Variants in PHACTR2 observed in about 807,000 individuals in gnomAD.
The protein encoded by PHACTR2 is phosphatase and actin regulator 2, also known as chromosome 6 open reading frame 56.
A neutral mutation model predicts 76.0 loss-of-function variants in PHACTR2; 30 were observed. The ratio of observed to expected loss-of-function variants is 0.39; its 90% CI spans 0.30 to 0.54. The LOEUF is 0.54. Ranked by LOEUF, PHACTR2 falls within the 20% of genes least tolerant of loss-of-function variation. The probability of loss-of-function intolerance (pLI) is 0.61; values close to 1 mark genes in which losing one functional copy is unlikely to be tolerated. For missense variants in PHACTR2, 696 were observed against 781.1 expected (o/e 0.89, Z 1.30); for synonymous variants, 292 against 292.5 (o/e 1.00, Z 0.02).
chr6:143,550,434 T>C lies in PHACTR2; in HGVS notation c.217+13227T>C, dbSNP rs1462753635. On this transcript the variant is annotated intron_variant, in intron 1 of 11. Transcript: ENST00000367584. This position sits in a 1 kb window ranked among gnomAD's most constrained non-coding sequence, Gnocchi z 4.8. ...TGGAAACTTCCATGCTACTTAAAAG[T>C]CTACTCTTGCTTTCCTGTTTGGCAA... Among the ~76,000 whole-genome samples, 5 of 152,026 alleles carry C rather than the reference T, an allele frequency of 3.3e-5. No homozygotes were observed. The highest frequency in any genetic ancestry group is 1.2e-4 in the African/African-American group (5 of 41,430).
Position 143,795,112 on chromosome 6 carries a change from C to G in PHACTR2, c.1845+6202C>G, listed in dbSNP as rs1049784582. ...GTGAACTTGATTGAGCTTTATTCAC[C>G]TTTAAAATAAAATTTTCAGGTCGGG... is the stretch of plus-strand genomic sequence containing the variant. On this transcript the variant is annotated intron_variant, in intron 11 of 12. Transcript: ENST00000440869. This position sits in a 1 kb window ranked among gnomAD's most constrained non-coding sequence, Gnocchi z 4.8. Among the ~76,000 whole-genome samples, 1 of 152,066 alleles carries G rather than the reference C, an allele frequency of 6.6e-6. No homozygotes were observed. Among genetic ancestry groups the G allele is most frequent in the African/African-American group, 2.4e-5 (1 of 41,422 alleles).
chr6:143,822,880 T>C lies in PHACTR2; in HGVS notation c.1923-794T>C, dbSNP rs1042866003. ...CGGGCTACAAAAATGCAAGGAATGT[T>C]CAGGAACTCACAAGGAGGGAAAGGA... is the stretch of plus-strand genomic sequence containing the variant. On this transcript the variant is annotated intron_variant, in intron 12 of 12. Coordinates refer to ENST00000440869, the MANE Select transcript of PHACTR2 (RefSeq NM_001100164.2). This position sits in a 1 kb window ranked among gnomAD's most constrained non-coding sequence, Gnocchi z 5.5. 3.3e-5 allele frequency among the ~76,000 whole-genome samples: 5 copies of C among 152,152 alleles called. No individual in the cohort carries two copies. The highest frequency in any genetic ancestry group is 4.4e-5 in the Non-Finnish European group (3 of 68,028).
In PHACTR2 at chr6:143,783,174, C is replaced by A. The variant is rs1020606409; in HGVS notation, c.1646-45C>A. The A allele has an allele frequency of 6.7e-6, 8 of 1,186,502 alleles. No individual in the cohort carries two copies. Among genetic ancestry groups the A allele is most frequent in the Non-Finnish European group, 8.8e-6 (7 of 797,526 alleles). 73.5% of individuals were successfully genotyped at this position (1,186,502 alleles called of 1,614,324 possible). A position where few individuals can be genotyped will look rare whatever the true frequency, so the allele number is the denominator to read the frequency against. On this transcript the variant is annotated intron_variant, in intron 9 of 12. Coordinates refer to ENST00000440869, the MANE Select transcript of PHACTR2 (RefSeq NM_001100164.2). The surrounding 1 kb of genome is among the most constrained non-coding windows in gnomAD (Gnocchi z 5.2). The stretch of plus-strand genomic sequence containing the variant: ...TGATACACTTTTCTGAATATGAAAT[C>A]ATCTATAGTAACTGTCATCACGACT...
chr6:143,592,973 C>T lies in PHACTR2; in HGVS notation c.217+55766C>T, dbSNP rs1252894583. Among the ~76,000 whole-genome samples the T allele has an allele frequency of 7.0e-6, 1 of 142,796 alleles. No homozygotes were observed. The highest frequency in any genetic ancestry group is 2.6e-5 in the African/African-American group (1 of 38,032). The allele number at this position is 142,796 out of a possible 152,430, so 93.7% of individuals were successfully genotyped here. ...GGAGGATCGCTTGAGCCTGGGAAGT[C>T]GATACTATTGTAAGCTGAGATCATG... is the stretch of plus-strand genomic sequence containing the variant. On this transcript the variant is annotated intron_variant, in intron 1 of 11. Transcript: ENST00000367584. This position sits in a 1 kb window ranked among gnomAD's most constrained non-coding sequence, Gnocchi z 4.0.
chr6:143,733,411 A>G lies in PHACTR2; in HGVS notation c.215-15574A>G, dbSNP rs931073971. 4.6e-5 allele frequency among the ~76,000 whole-genome samples: 7 copies of G among 152,240 alleles called. No homozygotes were observed. The South Asian group carries it at 6.2e-4, about 13-fold the overall frequency. On this transcript the variant is annotated intron_variant, in intron 2 of 12. Transcript: ENST00000440869. This position sits in a 1 kb window ranked among gnomAD's most constrained non-coding sequence, Gnocchi z 4.0. ...TATGTTAAACATTCAGTAAATGTAT[A>G]TTGAATGAACGAATGAATGAATGAA... is the stretch of plus-strand genomic sequence containing the variant.
intron 1 of PHACTR2, among the ~76,000 whole-genome samples, chr6:143,635,636 A>G (rs1011305433): frequency 2.0e-5 from 3 of 152,084 alleles, no homozygotes; most frequent in Admixed American, 1.3e-4. Context: ...ATTTCTAATT[A>G]TTGTTTTAAT....
chr6:143,626,841 AAGG>A (rs1278773827), intron 1 of PHACTR2, among the ~76,000 whole-genome samples: 1 of 152,204 alleles, frequency 6.6e-6, no homozygotes, highest in Non-Finnish European at 1.5e-5. Flanking sequence ...TTAAACAACC[AAGG>A]AGATTTTCTT....
intron 2 of PHACTR2, among the ~76,000 whole-genome samples, chr6:143,729,395 C>G (rs1778652491): frequency 6.6e-6 from 1 of 152,010 alleles, no homozygotes; most frequent in South Asian, 2.1e-4. Flanking sequence ...TGCTTTTGGT[C>G]TCCTGTCATG....
chr6:143,590,921 A>G (rs1002985826), intron 1 of PHACTR2, among the ~76,000 whole-genome samples: 1 of 152,158 alleles, frequency 6.6e-6, no homozygotes, highest in Admixed American at 6.5e-5. Context: ...GCGTGTCACT[A>G]GATGGACTGG....
At chr6:143,773,926 A>T in intron 7 of PHACTR2, 133 bp from the exon 8 acceptor site, 2 of 588,690 alleles carry the variant, frequency 3.4e-6, no homozygotes, top group Middle Eastern at 3.1e-4. Flanking sequence ...TCCTTAGGTT[A>T]ATTAAGATTC....
At chr6:143,626,086 AG>A (rs1032186830) in intron 1 of PHACTR2, among the ~76,000 whole-genome samples, 2 of 152,150 alleles carry the variant, frequency 1.3e-5, no homozygotes, top group Non-Finnish European at 2.9e-5. Flanking sequence ...AATGCTTTTA[AG>A]TTTTGTGCTG....
At chr6:143,781,433 T>C (rs960147190) in intron 9 of PHACTR2, among the ~76,000 whole-genome samples, 1 of 152,224 alleles carries the variant, frequency 6.6e-6, no homozygotes, top group Non-Finnish European at 1.5e-5. Context: ...TATATCCAAT[T>C]TTTTAATCTT....
Position 143,782,225 on chromosome 6 carries a change from C to CA in PHACTR2, c.1646-988dup, listed in dbSNP as rs1186568364. ...TGGGTGACAGAGCGAGAATCCGTTT[C>CA]AAAAAATAAAATAAAAATAAAAATA... is the stretch of plus-strand genomic sequence containing the variant. On this transcript the variant is annotated intron_variant, in intron 9 of 12. Coordinates refer to ENST00000440869, the MANE Select transcript of PHACTR2 (RefSeq NM_001100164.2). This position sits in a 1 kb window ranked among gnomAD's most constrained non-coding sequence, Gnocchi z 4.6. Among the ~76,000 whole-genome samples the CA allele has an allele frequency of 6.6e-6, 1 of 151,838 alleles. No homozygotes were observed. Among genetic ancestry groups the CA allele is most frequent in the Non-Finnish European group, 1.5e-5 (1 of 67,958 alleles).
At chr6:143,808,127 A>ATTT (rs35192258) in intron 12 of PHACTR2, among the ~76,000 whole-genome samples, 5 of 130,398 alleles carry the variant, frequency 3.8e-5, no homozygotes, top group Non-Finnish European at 4.9e-5. Flanking sequence ...ACAATCCAAA[A>ATTT]TTTTTTTTTT....
chr6:143,771,131 C>CATATATATATGTGTAT (rs1447222154), intron 6 of PHACTR2, among the ~76,000 whole-genome samples: 1 of 71,228 alleles, frequency 1.4e-5, no homozygotes, highest in African/African-American at 5.5e-5. Flanking sequence ...ATGTACTTTA[C>CATATATATATGTGTAT]ATATATATAT....
intron 11 of PHACTR2, among the ~76,000 whole-genome samples, chr6:143,796,407 CTTTCTTTCTTTGTTTT>C (rs1362500441): frequency 6.8e-6 from 1 of 147,008 alleles, no homozygotes; most frequent in Non-Finnish European, 1.5e-5. Flanking sequence ...TTCTTTCTTT[CTTTCTTTCTTTGTTTT>C]TATTATACTT....
In PHACTR2 at chr6:143,738,966, G is replaced by A. The variant is rs1778879269; in HGVS notation, c.215-10019G>A. On this transcript the variant is annotated intron_variant, in intron 2 of 12. Transcript: ENST00000440869. The surrounding 1 kb of genome is among the most constrained non-coding windows in gnomAD (Gnocchi z 4.0). ...CATGGAGAAGGGTGTTAGAAGTTCA[G>A]GCTCTCTGGAGCTTCTCTTCCAATG... Among the ~76,000 whole-genome samples, 1 of 152,164 alleles carries A rather than the reference G, an allele frequency of 6.6e-6. No homozygotes were observed. The highest frequency in any genetic ancestry group is 1.5e-5 in the Non-Finnish European group (1 of 68,034).
intron 1 of PHACTR2, among the ~76,000 whole-genome samples, chr6:143,701,762 T>C (rs1347286781): frequency 2.6e-5 from 4 of 152,198 alleles, no homozygotes; most frequent in African/African-American, 4.8e-5. Flanking sequence ...GTTGTAGTAA[T>C]GATGAAAGAG....
At chr6:143,665,713 G>A (rs1777021752) in intron 1 of PHACTR2, among the ~76,000 whole-genome samples, 2 of 152,128 alleles carry the variant, frequency 1.3e-5, no homozygotes, top group African/African-American at 2.4e-5. Flanking sequence ...GATTATTCCT[G>A]TAGTCTCTCC....
Sources: allele counts gnomAD v4.1 joint callset (sites outside exome capture counted in the v4.1 genomes callset), GRCh38; gene constraint gnomAD v4.1.1; non-coding constraint Gnocchi (gnomAD v3.1); transcripts MANE v1.5; gene names NCBI Gene and HGNC (gene_info 2026-07-23, HGNC 2026-07-21).